Variants in ZNF705D observed in about 807,000 individuals in gnomAD.
ZNF705D encodes zinc finger protein 705D.
For synonymous variants in ZNF705D, 1 was observed against 43.8 expected (o/e 0.02, Z 3.86); for missense variants, 6 against 129.4 (o/e 0.05, Z 4.63).
chr8:12,090,636 C>T, the ZNF705D span, among the ~76,000 whole-genome samples: 2 of 10,074 alleles, frequency 2.0e-4, 1 homozygote, highest in African/African-American at 2.2e-4. Flanking sequence ...GCATGTATGT[C>T]TTCTTTTGAG....
At chr8:12,113,423 A>C, downstream of ZNF705D, 1 of 283,470 alleles carries the variant, frequency 3.5e-6, no homozygotes, top group Non-Finnish European at 5.9e-6. Flanking sequence ...TCAACATGGA[A>C]GATACTTCAG....
the ZNF705D span, among the ~76,000 whole-genome samples, chr8:12,090,258 G>T: frequency 1.4e-5 from 1 of 71,144 alleles, no homozygotes; most frequent in African/African-American, 3.1e-5. Flanking sequence ...CCTGTATGTT[G>T]CTCAGCTCGG....
the ZNF705D span, among the ~76,000 whole-genome samples, chr8:12,090,158 C>A: frequency 6.5e-5 from 6 of 92,046 alleles, 2 homozygotes; most frequent in Non-Finnish European, 7.6e-5. Context: ...CCTCTGGCCA[C>A]CCCCCCGATG....
At chr8:12,095,135 G>T in the ZNF705D span, 4 of 515,348 alleles carry the variant, frequency 7.8e-6, 1 homozygote, top group Non-Finnish European at 9.6e-6. Flanking sequence ...GAGAGGGAGA[G>T]AGAAAAAAGA....
the ZNF705D span, among the ~76,000 whole-genome samples, chr8:12,090,172 G>A: frequency 4.4e-5 from 4 of 91,838 alleles, 2 homozygotes; most frequent in Admixed American, 6.6e-4. Flanking sequence ...CCCGATGGAT[G>A]TCTGCCGTGC....
chr8:12,099,723 C>CTT (rs1234128029), upstream of ZNF705D, among the ~76,000 whole-genome samples: 2 of 94,054 alleles, frequency 2.1e-5, no homozygotes, highest in African/African-American at 8.8e-5. Context: ...ACTGAGAGTC[C>CTT]TTTTTTTTAT....
intron 2 of ZNF705D, 131 bp downstream of exon 4, chr8:12,110,157 A>T (rs1038895994): frequency 6.8e-5 from 1 of 14,618 alleles, no homozygotes; most frequent in African/African-American, 1.1e-4. Context: ...ATCTGAAAAA[A>T]GTTTGAACTC....
chr8:12,090,246 C>G, the ZNF705D span, among the ~76,000 whole-genome samples: 2 of 78,114 alleles, frequency 2.6e-5, 1 homozygote, highest in Non-Finnish European at 6.2e-5. Flanking sequence ...ACTTCCTCTA[C>G]TCCTGTATGT....
upstream of ZNF705D, among the ~76,000 whole-genome samples, chr8:12,107,258 C>G (rs1395719602): frequency 2.3e-5 from 1 of 43,442 alleles, no homozygotes; most frequent in African/African-American, 6.4e-5. Context: ...TGTTGACCCT[C>G]TAAGTGAAAT....
upstream of ZNF705D, among the ~76,000 whole-genome samples, chr8:12,103,306 C>A (rs1352739021): frequency 1.4e-5 from 1 of 72,088 alleles, no homozygotes; most frequent in Non-Finnish European, 3.2e-5. Flanking sequence ...TCAGTCCTTG[C>A]CTCCTCAGAA....
chr8:12,095,753 T>TACACACAC, the ZNF705D span, among the ~76,000 whole-genome samples: 421 of 27,560 alleles, frequency 0.015, 9 homozygotes, highest in East Asian at 0.032. Flanking sequence ...TTTTTACTCC[T>TACACACAC]ACACACACAC....
the ZNF705D span, among the ~76,000 whole-genome samples, chr8:12,091,794 T>G: frequency 0.012 from 332 of 26,678 alleles, 22 homozygotes; most frequent in African/African-American, 0.024. Flanking sequence ...TATTTTTTTT[T>G]TTTTGTTTTT....
the ZNF705D span, among the ~76,000 whole-genome samples, chr8:12,095,753 T>TACACAC: frequency 0.093 from 2,554 of 27,440 alleles, 228 homozygotes; most frequent in Middle Eastern, 0.12. Context: ...TTTTTACTCC[T>TACACAC]ACACACACAC....
At chr8:12,090,702 C>T in the ZNF705D span, among the ~76,000 whole-genome samples, 12 of 21,990 alleles carry the variant, frequency 5.5e-4, 1 homozygote, top group South Asian at 4.7e-3. Flanking sequence ...TTGTAAATTT[C>T]TTTAAGTTCC....
the ZNF705D span, chr8:12,095,365 G>C: frequency 2.7e-5 from 6 of 219,984 alleles, 1 homozygote; most frequent in Non-Finnish European, 3.8e-5. Flanking sequence ...GTTATTGTAA[G>C]CATTCATCAG....
chr8:12,109,222 T>C (rs1157905831), intron 1 of ZNF705D, among the ~76,000 whole-genome samples: 19 of 83,422 alleles, frequency 2.3e-4, no homozygotes, highest in African/African-American at 6.0e-4. Context: ...CATGAACACC[T>C]GAATTATATA....
chr8:12,090,267 G>A, the ZNF705D span, among the ~76,000 whole-genome samples: 4 of 68,132 alleles, frequency 5.9e-5, 1 homozygote, highest in Non-Finnish European at 7.3e-5. Context: ...TGCTCAGCTC[G>A]GCTCTCTAAC....
At position 12,110,441 on chromosome 8, in the gene ZNF705D, G is replaced by A. The variant is rs1473330912; in HGVS notation, c.140-359G>A. Reference sequence around the variant, plus strand: ...AGAACACCAATTATTTTTGTAAATCGAATGTTTTTTTTTGTTCTGCGTGAG... The same window carrying A: ...AGAACACCAATTATTTTTGTAAATCAAATGTTTTTTTTTGTTCTGCGTGAG... On this transcript the variant is annotated intron_variant, in intron 2 of 4. Transcript: ENST00000400078. 1.9e-4 allele frequency among the ~76,000 whole-genome samples: 10 copies of A among 54,024 alleles called. 3 individuals carry two copies. The South Asian group carries it at 6.8e-3, about 37-fold the overall frequency. 35.4% of individuals were successfully genotyped at this position (54,024 alleles called of 152,430 possible).
the ZNF705D span, among the ~76,000 whole-genome samples, chr8:12,097,461 CAA>C: frequency 7.2e-6 from 1 of 138,576 alleles, no homozygotes; most frequent in African/African-American, 2.6e-5. Flanking sequence ...AAAATGGGAA[CAA>C]GAGAGATTGG....
Sources: allele counts gnomAD v4.1 joint callset (sites outside exome capture counted in the v4.1 genomes callset), GRCh38; gene constraint gnomAD v4.1.1; transcripts MANE v1.5; gene names NCBI Gene and HGNC (gene_info 2026-07-23, HGNC 2026-07-21).